APBB2: variants seen among roughly 807,000 people sequenced by gnomAD.
APBB2 encodes amyloid beta precursor protein binding family B member 2.
In APBB2, 38 loss-of-function variants were observed where a neutral mutation model predicts 82.5. The ratio of observed to expected loss-of-function variants is 0.46; its 90% CI spans 0.36 to 0.60. APBB2 has a LOEUF of 0.60. Ranked by LOEUF, APBB2 falls within the 20% of genes least tolerant of loss-of-function variation. The probability of loss-of-function intolerance (pLI) is 0.00; values close to 1 mark genes in which losing one functional copy is unlikely to be tolerated. For missense variants in APBB2, 772 were observed against 972.3 expected, an observed-to-expected ratio of 0.79 and a Z score of 2.74; for synonymous variants, 341 against 368.2, an observed-to-expected ratio of 0.93 and a Z score of 0.85.
intron 6 of APBB2, among the ~76,000 whole-genome samples, chr4:41,009,318 C>CT (rs1807665188): frequency 6.6e-6 from 1 of 151,548 alleles, no homozygotes; most frequent in Admixed American, 6.6e-5. Flanking sequence ...CACTCTTTAA[C>CT]TTTTCTAAAC....
At chr4:40,954,265 A>C (rs1366665751) in intron 6 of APBB2, among the ~76,000 whole-genome samples, 1 of 152,186 alleles carries the variant, frequency 6.6e-6, no homozygotes, top group African/African-American at 2.4e-5. Flanking sequence ...TGAAAGTCTA[A>C]ATTTAGCAAG....
Position 40,934,692 on chromosome 4 carries a change from T to C in APBB2, c.1115A>G (p.His372Arg). The C allele has an allele frequency of 1.9e-6, 3 of 1,612,680 alleles. No homozygotes were observed. The highest frequency in any genetic ancestry group is 2.2e-5 in the East Asian group (1 of 44,878). ...KINSDIWKDL[H>R]AATVNPDPSL... ...GGGGTCCGGGTTAACAGTGGCTGCA[T>C]GCAAATCCTAGAGGAAAATAGAACC... The change falls in exon 9 of 18, where the codon CAT (histidine) becomes CGT (arginine). Residue 372 changes from histidine to arginine, a missense_variant. Transcript: ENST00000508593.
At position 41,028,064 on chromosome 4, in the gene APBB2, G is replaced by A. The variant is rs535267526; in HGVS notation, c.19+5172C>T. On this transcript the variant is annotated intron_variant, in intron 5 of 17. Transcript: ENST00000508593. ...AGGAACATCTATTATAGCCTGGCAC[G>A]TGTTTCCTCCTTTTCTGTTAAAAGC... Among the ~76,000 whole-genome samples, 16 of 152,204 alleles carry A rather than the reference G, an allele frequency of 1.1e-4. No individual in the cohort carries two copies. In the South Asian group the frequency reaches 1.2e-3, roughly 12 times the overall value.
At chr4:40,858,588 A>G (rs952742183) in intron 12 of APBB2, among the ~76,000 whole-genome samples, 3 of 152,144 alleles carry the variant, frequency 2.0e-5, no homozygotes, top group Admixed American at 6.5e-5. Context: ...TGGAAAATCA[A>G]GGGAGTATTT....
rs115001693 is a variant in APBB2 at position 41,150,881 on chromosome 4, A to T, written c.-416-7739T>A. 7.1e-3 allele frequency among the ~76,000 whole-genome samples: 1,083 copies of T among 152,220 alleles called. 27 individuals are homozygous for T. Among genetic ancestry groups the T allele is most frequent in the African/African-American group, 0.025 (1,041 of 41,536 alleles). ...TCAGCCTCCCGAGTAGCTGGGATAC[A>T]GACAACCACCATCATGTCAGGCCAA... On this transcript the variant is annotated intron_variant, in intron 1 of 17. Coordinates refer to ENST00000508593, the MANE Select transcript of APBB2 (RefSeq NM_004307.2).
chr4:41,152,753 C>T (rs774445747), intron 1 of APBB2, among the ~76,000 whole-genome samples: 1 of 152,178 alleles, frequency 6.6e-6, no homozygotes. Context: ...AGTGAAGATG[C>T]CTTCCTCCTG....
chr4:41,098,220 C>T (rs1744219378), intron 3 of APBB2, among the ~76,000 whole-genome samples: 1 of 151,868 alleles, frequency 6.6e-6, no homozygotes, highest in Non-Finnish European at 1.5e-5. Context: ...GGATCTCACT[C>T]AAGTGTCAGG....
At chr4:41,091,873 A>C (rs755006085) in intron 3 of APBB2, among the ~76,000 whole-genome samples, 9 of 152,232 alleles carry the variant, frequency 5.9e-5, no homozygotes, top group Non-Finnish European at 1.3e-4. Flanking sequence ...ACAGCAAGGT[A>C]AGTAACCTTG....
chr4:40,924,256 T>G (rs1179089589), intron 10 of APBB2, among the ~76,000 whole-genome samples: 1 of 152,226 alleles, frequency 6.6e-6, no homozygotes, highest in African/African-American at 2.4e-5. Flanking sequence ...CTCTGGACCT[T>G]GGTTTCGTGA....
intron 2 of APBB2, among the ~76,000 whole-genome samples, chr4:41,141,497 A>C (rs1759188221): frequency 3.3e-5 from 5 of 152,140 alleles, no homozygotes; most frequent in Admixed American, 3.3e-4. Context: ...GTTTTCCCTA[A>C]GTCATAGAAA....
At chr4:41,137,867 C>A (rs768117840) in intron 2 of APBB2, among the ~76,000 whole-genome samples, 5 of 152,022 alleles carry the variant, frequency 3.3e-5, no homozygotes, top group Admixed American at 2.6e-4. Flanking sequence ...AAATTGACCC[C>A]AAATGAATTA....
chr4:41,116,088 G>A (rs150777327), intron 2 of APBB2, among the ~76,000 whole-genome samples: 2,107 of 152,308 alleles, frequency 0.014, 53 homozygotes, highest in African/African-American at 0.049. Flanking sequence ...TGATAGACTG[G>A]ATAAAGCAAA....
At chr4:41,071,814 A>T (rs922933729) in intron 3 of APBB2, among the ~76,000 whole-genome samples, 1 of 151,864 alleles carries the variant, frequency 6.6e-6, no homozygotes, top group Non-Finnish European at 1.5e-5. Flanking sequence ...TAGTGGATTA[A>T]TTTTTTTTTC....
chr4:41,132,827 T>C (rs28607246), intron 2 of APBB2, among the ~76,000 whole-genome samples: 197 of 152,112 alleles, frequency 1.3e-3, no homozygotes, highest in African/African-American at 4.3e-3. Flanking sequence ...TAGAAAAAAA[T>C]TGCAATATTT....
chr4:40,855,394 G>A (rs1026044935), intron 12 of APBB2, among the ~76,000 whole-genome samples: 11 of 152,126 alleles, frequency 7.2e-5, no homozygotes, highest in East Asian at 1.9e-4. Context: ...ACTAAACAAC[G>A]TGGCGGCTGT....
Position 40,813,593 on chromosome 4 carries a change from C to T in APBB2, c.*2499G>A, listed in dbSNP as rs531215943. ...ATACAATGCCATTTTCAAAACAAAA[C>T]GTCTGCAAAGTTTTCAATATGTAAA... On this transcript the variant is annotated 3_prime_UTR_variant, in exon 18 of 18. Coordinates refer to ENST00000508593, the MANE Select transcript of APBB2 (RefSeq NM_004307.2). 1.6e-4 allele frequency: 25 copies of T among 152,206 alleles called. No homozygotes were observed. The South Asian group carries it at 4.3e-3, about 26-fold the overall frequency. The allele number at this position is 152,206 out of a possible 1,614,324, so 9.4% of individuals were successfully genotyped here. A position where few individuals can be genotyped will look rare whatever the true frequency, so the allele number is the denominator to read the frequency against.
chr4:40,816,358 G>T, intron 17 of APBB2, 99 bp from the exon 18 acceptor site: 6 of 1,260,834 alleles, frequency 4.8e-6, no homozygotes, highest in Non-Finnish European at 4.5e-6. Flanking sequence ...GACTCCCAAA[G>T]GTTAACGACC....
chr4:40,934,985 T>C (rs925235868), intron 8 of APBB2, 92 bp downstream of exon 8: 11 of 1,065,820 alleles, frequency 1.0e-5, no homozygotes, highest in Non-Finnish European at 1.5e-5. Context: ...CCCTGCAGAA[T>C]GCATGATATT....
At chr4:40,940,182 T>C (rs779035085) in intron 7 of APBB2, among the ~76,000 whole-genome samples, 1 of 152,186 alleles carries the variant, frequency 6.6e-6, no homozygotes, top group African/African-American at 2.4e-5. Context: ...TGGGACATGA[T>C]AGAATACAGG....
Sources: allele counts gnomAD v4.1 joint callset (sites outside exome capture counted in the v4.1 genomes callset), GRCh38; gene constraint gnomAD v4.1.1; transcripts MANE v1.5; gene names NCBI Gene and HGNC (gene_info 2026-07-23, HGNC 2026-07-21).